The following GALNT17 variants were observed in gnomAD, a reference collection of about 807,000 sequenced individuals.
The protein encoded by GALNT17 is polypeptide N-acetylgalactosaminyltransferase 17, also known as UDP-GalNAc:polypeptide N-acetylgalactosaminyltransferase-like 3.
A neutral mutation model predicts 63.7 loss-of-function variants in GALNT17; 29 were observed. The ratio of observed to expected loss-of-function variants is 0.46; its 90% CI spans 0.34 to 0.62. The LOEUF (loss-of-function observed/expected upper bound fraction) is 0.62, where lower values mean the gene tolerates loss of function less well. Ranked by LOEUF, GALNT17 falls within the 20% of genes least tolerant of loss-of-function variation. The pLI is 0.01. For missense variants in GALNT17, 603 were observed against 799.6 expected (o/e 0.75, Z 2.97); for synonymous variants, 305 against 318.3 (o/e 0.96, Z 0.45).
At chr7:71,445,732 T>C (rs1278267897) in intron 5 of GALNT17, among the ~76,000 whole-genome samples, 1 of 152,168 alleles carries the variant, frequency 6.6e-6, no homozygotes, top group African/African-American at 2.4e-5. Context: ...AAACATGTCA[T>C]CTCTTACCTC....
intron 2 of GALNT17, among the ~76,000 whole-genome samples, chr7:71,362,612 T>C (rs1470456706): frequency 1.3e-5 from 2 of 152,180 alleles, no homozygotes; most frequent in African/African-American, 4.8e-5. Context: ...GCATCCCACG[T>C]GGCTGTGTGA....
intron 1 of GALNT17, among the ~76,000 whole-genome samples, chr7:71,167,176 T>C (rs1382922422): frequency 1.3e-5 from 2 of 151,058 alleles, no homozygotes; most frequent in African/African-American, 4.9e-5. Flanking sequence ...CATGAACCAC[T>C]GTGCCTGGCC....
chr7:71,503,677 G>T (rs1490268428), intron 5 of GALNT17, among the ~76,000 whole-genome samples: 1 of 152,222 alleles, frequency 6.6e-6, no homozygotes, highest in African/African-American at 2.4e-5. Context: ...CTGCCTTGCA[G>T]GTTCATGAGA....
chr7:71,571,262 TC>T (rs1178211709), intron 5 of GALNT17, 22 bp from the exon 6 acceptor site: 7 of 1,608,162 alleles, frequency 4.4e-6, no homozygotes, highest in Non-Finnish European at 6.0e-6. Context: ...TCAATGAGCT[TC>T]CCTTCTTTCT....
At chr7:71,695,534 T>A (rs1283386067) in intron 9 of GALNT17, among the ~76,000 whole-genome samples, 2 of 152,134 alleles carry the variant, frequency 1.3e-5, no homozygotes, top group Non-Finnish European at 2.9e-5. Flanking sequence ...TATGGAAGCG[T>A]AAGGTAAATA....
chr7:71,623,299 G>C (rs1053907269), intron 6 of GALNT17, among the ~76,000 whole-genome samples: 2 of 151,034 alleles, frequency 1.3e-5, no homozygotes, highest in Non-Finnish European at 2.9e-5. Flanking sequence ...GTTTTTGTGA[G>C]GTTTAAATAA....
chr7:71,712,575 C>T lies in GALNT17; in HGVS notation c.*429C>T, dbSNP rs1200808378. 3 of 162,058 alleles carry T rather than the reference C, an allele frequency of 1.9e-5. No homozygotes were observed. The highest frequency in any genetic ancestry group is 4.0e-5 in the Non-Finnish European group (3 of 75,466). The allele number at this position is 162,058 out of a possible 1,614,324, so 10.0% of individuals were successfully genotyped here. A position where few individuals can be genotyped will look rare whatever the true frequency, so the allele number is the denominator to read the frequency against. On this transcript the variant is annotated 3_prime_UTR_variant, in exon 11 of 11. Coordinates refer to ENST00000333538, the MANE Select transcript of GALNT17 (RefSeq NM_022479.3). ...CGGTGGGAGGCAGCGGGGGCTTCAG[C>T]CATGTCCTAGCTCCCCGCCCTAAAA...
At chr7:71,709,978 A>G (rs1307340792) in intron 9 of GALNT17, among the ~76,000 whole-genome samples, 2 of 152,204 alleles carry the variant, frequency 1.3e-5, no homozygotes, top group African/African-American at 4.8e-5. Flanking sequence ...AGTACTGTTT[A>G]ATGTCTGTTT....
chr7:71,358,157 G>A lies in GALNT17; in HGVS notation c.422+22424G>A, dbSNP rs1289796365. ...TATAACACTCACCATGAAGATCCGC[G>A]GCTCCATTCTTGAAGTCAGCGAGAC... On this transcript the variant is annotated intron_variant, in intron 2 of 10. Coordinates refer to ENST00000333538, the MANE Select transcript of GALNT17 (RefSeq NM_022479.3). 6.6e-5 allele frequency among the ~76,000 whole-genome samples: 10 copies of A among 152,220 alleles called. No homozygotes were observed. In the South Asian group the frequency reaches 8.3e-4, roughly 13 times the overall value.
intron 1 of GALNT17, among the ~76,000 whole-genome samples, chr7:71,257,860 G>A (rs923372202): frequency 6.6e-6 from 1 of 152,154 alleles, no homozygotes; most frequent in African/African-American, 2.4e-5. Context: ...TGTGCATCCT[G>A]GATTCTACGA....
chr7:71,547,180 T>A (rs887857777), intron 5 of GALNT17, among the ~76,000 whole-genome samples: 2 of 147,562 alleles, frequency 1.4e-5, no homozygotes, highest in African/African-American at 5.1e-5. Flanking sequence ...TATTATTATT[T>A]TTGAGAAGGA....
intron 9 of GALNT17, among the ~76,000 whole-genome samples, chr7:71,701,725 GTATA>G (rs528212033): frequency 1.4e-4 from 19 of 139,108 alleles, no homozygotes; most frequent in African/African-American, 5.1e-4. Flanking sequence ...TGTGGTGTAT[GTATA>G]TATATATATA....
At chr7:71,411,891 A>G (rs185751442) in intron 3 of GALNT17, among the ~76,000 whole-genome samples, 1 of 152,200 alleles carries the variant, frequency 6.6e-6, no homozygotes, top group Non-Finnish European at 1.5e-5. Context: ...GCTCCTTTAA[A>G]TATTTATAAA....
At chr7:71,391,371 G>A (rs974846279) in intron 3 of GALNT17, among the ~76,000 whole-genome samples, 8 of 152,200 alleles carry the variant, frequency 5.3e-5, no homozygotes, top group Admixed American at 1.3e-4. Flanking sequence ...CTCCTTGACC[G>A]CAGGGATCTC....
chr7:71,374,010 A>T (rs973274620), intron 2 of GALNT17, among the ~76,000 whole-genome samples: 4 of 152,188 alleles, frequency 2.6e-5, no homozygotes, highest in African/African-American at 9.7e-5. Flanking sequence ...ATCATTTCTC[A>T]AGTGCTAAAA....
chr7:71,661,557 C>T (rs1790907761), intron 6 of GALNT17, among the ~76,000 whole-genome samples: 1 of 152,284 alleles, frequency 6.6e-6, no homozygotes. Context: ...CAGTCTGAGT[C>T]ACTGGAGGTG....
intron 5 of GALNT17, among the ~76,000 whole-genome samples, chr7:71,495,387 A>G (rs965403366): frequency 6.6e-6 from 1 of 152,216 alleles, no homozygotes; most frequent in African/African-American, 2.4e-5. Flanking sequence ...AATGACAACC[A>G]TAGCAGTTTT....
At chr7:71,335,483 G>A (rs1791882087) in intron 1 of GALNT17, 67 bp from the exon 2 acceptor site, 17 of 1,406,774 alleles carry the variant, frequency 1.2e-5, no homozygotes, top group Middle Eastern at 1.9e-4. Flanking sequence ...AAGCTGCAGC[G>A]GAGATTGAGT....
intron 5 of GALNT17, among the ~76,000 whole-genome samples, chr7:71,424,311 G>A (rs966230971): frequency 6.6e-5 from 10 of 152,166 alleles, no homozygotes; most frequent in Admixed American, 2.0e-4. Context: ...TTTCTCCCAA[G>A]TCTTCACACT....
Sources: allele counts gnomAD v4.1 joint callset (sites outside exome capture counted in the v4.1 genomes callset), GRCh38; gene constraint gnomAD v4.1.1; transcripts MANE v1.5; gene names NCBI Gene and HGNC (gene_info 2026-07-23, HGNC 2026-07-21).